RALGAPA1: variants seen among roughly 807,000 people sequenced by gnomAD.
The protein encoded by RALGAPA1 is ral GTPase-activating protein subunit alpha-1.
RALGAPA1 carries 52 observed loss-of-function variants against 269.6 expected under a neutral mutation model. The observed-to-expected ratio is 0.19, with a 90% confidence interval of 0.15 to 0.24. RALGAPA1 has a LOEUF of 0.24. Among genes scored for constraint, RALGAPA1 ranks in the 10% least tolerant of loss-of-function variants. RALGAPA1 has a pLI of 1.00. For synonymous variants in RALGAPA1, 817 were observed against 1,008.3 expected (o/e 0.81, Z 3.60); for missense variants, 1,917 against 3,013.9 (o/e 0.64, Z 8.52).
At chr14:35,685,431 T>C (rs965460834) in intron 19 of RALGAPA1, among the ~76,000 whole-genome samples, 15 of 152,022 alleles carry the variant, frequency 9.9e-5, no homozygotes, top group African/African-American at 3.4e-4. Context: ...AAAGAGTATT[T>C]AGTGGAAAAA....
chr14:35,767,802 T>A (rs1156694367), intron 4 of RALGAPA1, among the ~76,000 whole-genome samples: 1 of 152,130 alleles, frequency 6.6e-6, no homozygotes, highest in Non-Finnish European at 1.5e-5. Flanking sequence ...AGACAGGGTA[T>A]CATTTTTTTA....
intron 39 of RALGAPA1, among the ~76,000 whole-genome samples, chr14:35,549,529 G>T (rs529463719): frequency 3.1e-4 from 47 of 152,100 alleles, no homozygotes; most frequent in Non-Finnish European, 5.6e-4. Flanking sequence ...CAGTTTACTT[G>T]AGAAAGGATT....
At chr14:35,649,887 T>C (rs1415037963) in intron 31 of RALGAPA1, among the ~76,000 whole-genome samples, 1 of 152,168 alleles carries the variant, frequency 6.6e-6, no homozygotes, top group African/African-American at 2.4e-5. Context: ...TTATGATAAA[T>C]AAATGTTTAA....
At chr14:35,728,282 C>T (rs866355044) in intron 13 of RALGAPA1, 80 bp downstream of exon 13, 7 of 1,271,422 alleles carry the variant, frequency 5.5e-6, no homozygotes, top group Non-Finnish European at 3.1e-6. Flanking sequence ...ACCCTCTTCA[C>T]AGACACTATT....
At chr14:35,787,299 T>G (rs2075864297) in intron 1 of RALGAPA1, among the ~76,000 whole-genome samples, 1 of 152,208 alleles carries the variant, frequency 6.6e-6, no homozygotes, top group African/African-American at 2.4e-5. Flanking sequence ...TTATTTTTAT[T>G]AAACACATTT....
chr14:35,633,204 A>C (rs2061464564), intron 33 of RALGAPA1, among the ~76,000 whole-genome samples: 1 of 152,204 alleles, frequency 6.6e-6, no homozygotes, highest in African/African-American at 2.4e-5. Flanking sequence ...TATTGTCTTG[A>C]ATAAAAACTG....
At chr14:35,581,304 G>C (rs2057932926) in intron 37 of RALGAPA1, among the ~76,000 whole-genome samples, 1 of 151,978 alleles carries the variant, frequency 6.6e-6, no homozygotes, top group Non-Finnish European at 1.5e-5. Context: ...TAGGGAAACG[G>C]GAAACATCAG....
intron 41 of RALGAPA1, among the ~76,000 whole-genome samples, chr14:35,545,232 TA>T (rs1218631090): frequency 3.9e-5 from 6 of 152,072 alleles, no homozygotes; most frequent in Non-Finnish European, 8.8e-5. Context: ...GACATTGAGC[TA>T]AAAAAGGTTA....
At chr14:35,695,905 G>A (rs2066857882) in intron 17 of RALGAPA1, among the ~76,000 whole-genome samples, 2 of 152,132 alleles carry the variant, frequency 1.3e-5, no homozygotes, top group African/African-American at 4.8e-5. Flanking sequence ...AATTATCAAA[G>A]GCCAATGAGA....
intron 12 of RALGAPA1, among the ~76,000 whole-genome samples, chr14:35,731,995 G>A (rs1400897067): frequency 2.0e-5 from 3 of 152,100 alleles, no homozygotes; most frequent in African/African-American, 7.2e-5. Context: ...AAAACTACCA[G>A]GTAACCCACA....
chr14:35,808,862 T>C lies in RALGAPA1; in HGVS notation c.-27A>G. ...CTGTCGCTGCCACTGCCACTGCCAC[T>C]GCCACAGCCGGCTCCCAGCCGGGTC... On this transcript the variant is annotated 5_prime_UTR_variant, in exon 1 of 42. Coordinates refer to ENST00000680220, the MANE Select transcript of RALGAPA1 (RefSeq NM_001346249.2). 2.5e-6 allele frequency: 4 copies of C among 1,598,166 alleles called. No homozygotes were observed. The East Asian group carries it at 9.0e-5, about 36-fold the overall frequency.
intron 21 of RALGAPA1, among the ~76,000 whole-genome samples, chr14:35,679,547 C>T (rs1430296334): frequency 1.3e-5 from 2 of 152,164 alleles, no homozygotes; most frequent in East Asian, 3.8e-4. Context: ...TATTGACTAT[C>T]TCATGTAATT....
rs1370652372 is a variant in RALGAPA1, at chr14:35,703,335, G to C, written c.2267-3033C>G. On this transcript the variant is annotated intron_variant, in intron 16 of 41. Transcript: ENST00000680220. ...AAAAACAAAAACTAAAACATTAGCT[G>C]GGTGTGGTGGTGCCTCCCTGTGGTC... Among the ~76,000 whole-genome samples, 3 of 152,098 alleles carry C rather than the reference G, an allele frequency of 2.0e-5. No homozygotes were observed. The East Asian group carries it at 5.8e-4, about 29-fold the overall frequency.
chr14:35,541,173 G>A (rs2053957499), intron 41 of RALGAPA1, among the ~76,000 whole-genome samples: 1 of 150,784 alleles, frequency 6.6e-6, no homozygotes, highest in South Asian at 2.1e-4. Flanking sequence ...AGCCTCTTGA[G>A]TAGCTGGGAC....
intron 32 of RALGAPA1, among the ~76,000 whole-genome samples, chr14:35,635,245 A>C (rs748491920): frequency 2.0e-5 from 3 of 152,184 alleles, no homozygotes; most frequent in Non-Finnish European, 2.9e-5. Context: ...AATTATACTC[A>C]TATGTAACAA....
chr14:35,672,676 T>C (rs777114422), intron 25 of RALGAPA1, among the ~76,000 whole-genome samples, 191 bp downstream of exon 25: 2 of 152,018 alleles, frequency 1.3e-5, no homozygotes, highest in African/African-American at 4.8e-5. Flanking sequence ...CTACCTACAA[T>C]AATAGCTTGA....
At chr14:35,714,230 A>G (rs1026920616) in intron 16 of RALGAPA1, among the ~76,000 whole-genome samples, 1 of 152,180 alleles carries the variant, frequency 6.6e-6, no homozygotes, top group Non-Finnish European at 1.5e-5. Flanking sequence ...AAGTAGCCGT[A>G]CCATTTTACA....
intron 41 of RALGAPA1, chr14:35,541,727 C>A (rs1012103687): frequency 6.6e-6 from 3 of 456,774 alleles, no homozygotes; most frequent in Non-Finnish European, 1.3e-5. Context: ...GAGGCCCTCC[C>A]ATTGCTGTTT....
intron 17 of RALGAPA1, 134 bp downstream of exon 17, chr14:35,700,028 C>T (rs570088997): frequency 2.7e-6 from 2 of 727,570 alleles, no homozygotes; most frequent in South Asian, 4.8e-5. Flanking sequence ...GTTGATTTCT[C>T]AATCACTTTC....
Sources: gnomAD v4.1 joint callset for allele counts (sites outside exome capture counted in the v4.1 genomes callset) on GRCh38, gnomAD v4.1.1 for gene constraint, MANE v1.5 for transcripts, NCBI Gene and HGNC (gene_info 2026-07-23, HGNC 2026-07-21) for gene names.